NUSAP1: variants seen among roughly 807,000 people sequenced by gnomAD.
NUSAP1 encodes nucleolar and spindle associated protein 1, also known as nucleolar and spindle-associated protein 1.
Under a neutral mutation model 52.8 loss-of-function variants are expected in NUSAP1, and 32 were observed. The observed-to-expected ratio is 0.61, with a 90% CI of 0.46 to 0.81. The LOEUF is 0.81. Ranked by LOEUF, NUSAP1 falls within the 40% of genes least tolerant of loss-of-function variation. NUSAP1 has a pLI of 0.00. For synonymous variants in NUSAP1, 195 were observed against 183.1 expected (o/e 1.06, Z -0.52); for missense variants, 499 against 522.3 (o/e 0.96, Z 0.43).
At chr15:41,367,815 G>A (rs2049482755) in intron 7 of NUSAP1, among the ~76,000 whole-genome samples, 1 of 152,172 alleles carries the variant, frequency 6.6e-6, no homozygotes, top group Non-Finnish European at 1.5e-5. Flanking sequence ...TTCTGGTAGA[G>A]GAGACAGGGC....
intron 2 of NUSAP1, among the ~76,000 whole-genome samples, chr15:41,348,661 C>T (rs1042249351): frequency 4.6e-5 from 7 of 151,958 alleles, no homozygotes; most frequent in African/African-American, 1.7e-4. Context: ...GTTTTTGAGA[C>T]GGAGTTTCGT....
rs557950070 is a variant in NUSAP1, at chr15:41,371,511, C to T, written c.849-16C>T. 6.3e-7 allele frequency: 1 copy of T among 1,585,898 alleles called. No individual in the cohort carries two copies. Among genetic ancestry groups the T allele is most frequent in the East Asian group, 2.2e-5 (1 of 44,592 alleles). On this transcript the variant is annotated splice_polypyrimidine_tract_variant and intron_variant, in intron 7 of 10. Transcript: ENST00000559596. ...TGCCACAGTACTCATGTCTTGTACT[C>T]TGCTGTCCTATTTAGGTTTTCAGCT...
At chr15:41,376,915 A>G (rs982907765) in intron 9 of NUSAP1, among the ~76,000 whole-genome samples, 1 of 151,942 alleles carries the variant, frequency 6.6e-6, no homozygotes, top group African/African-American at 2.4e-5. Context: ...TCTCTACTAA[A>G]AAATACAAAA....
In NUSAP1 at chr15:41,341,585, G is replaced by A. The variant is rs189134289; in HGVS notation, c.94-801G>A. On this transcript the variant is annotated intron_variant, in intron 1 of 10. Coordinates refer to ENST00000559596, the MANE Select transcript of NUSAP1 (RefSeq NM_016359.5). ...ACCAGCTGTCCAAGCCAGAAACGTT[G>A]GCATAACAAAGTTTCCCTCTTCCTC... 2.4e-4 allele frequency among the ~76,000 whole-genome samples: 36 copies of A among 152,164 alleles called. No individual in the cohort carries two copies. The East Asian group carries it at 6.9e-3, about 29-fold the overall frequency.
intron 6 of NUSAP1, among the ~76,000 whole-genome samples, chr15:41,358,765 G>C (rs1343530630): frequency 6.6e-6 from 1 of 152,142 alleles, no homozygotes; most frequent in African/African-American, 2.4e-5. Context: ...TCCTGACTAT[G>C]AGAAACTATT....
At chr15:41,372,438 G>A (rs1000967099) in intron 8 of NUSAP1, among the ~76,000 whole-genome samples, 4 of 152,110 alleles carry the variant, frequency 2.6e-5, no homozygotes, top group East Asian at 1.9e-4. Context: ...TACTATTCAC[G>A]AACATGTGGG....
intron 3 of NUSAP1, 122 bp downstream of exon 3, chr15:41,349,363 AG>A: frequency 9.9e-7 from 1 of 1,007,662 alleles, no homozygotes. Flanking sequence ...GTGTGCTGTA[AG>A]CTCCATGAAA....
At chr15:41,334,249 G>C (rs1307098137) in intron 1 of NUSAP1, among the ~76,000 whole-genome samples, 1 of 152,168 alleles carries the variant, frequency 6.6e-6, no homozygotes, top group Non-Finnish European at 1.5e-5. Context: ...CTCCTGAGTA[G>C]CTGGGATTAC....
rs190837295 is a variant in NUSAP1, at chr15:41,366,548, C to T, written c.848+959C>T. 6.6e-4 allele frequency among the ~76,000 whole-genome samples: 101 copies of T among 152,274 alleles called. 1 individual carries two copies. The highest frequency in any genetic ancestry group is 2.3e-3 in the African/African-American group (95 of 41,558). ...CTACCTGCCTTGGCCTCCCAAAGTG[C>T]TGGGATTACAGGCATGAGCCACCGC... On this transcript the variant is annotated intron_variant, in intron 7 of 10. Coordinates refer to ENST00000559596, the MANE Select transcript of NUSAP1 (RefSeq NM_016359.5).
rs1459896837 is a variant in NUSAP1, at chr15:41,380,297, C to A, written c.*111C>A. 8.7e-6 allele frequency: 6 copies of A among 690,592 alleles called. No homozygotes were observed. The highest frequency in any genetic ancestry group is 1.5e-5 in the Non-Finnish European group (6 of 401,258). The allele number at this position is 690,592 out of a possible 1,614,324, so 42.8% of individuals were successfully genotyped here. ...TAGTCACGAGATCTTTTTCTGCTAACTGTTCATAGTCTGTGTAGTGTCCAT... is the reference window on the plus strand; with the variant it reads ...TAGTCACGAGATCTTTTTCTGCTAAATGTTCATAGTCTGTGTAGTGTCCAT... On this transcript the variant is annotated 3_prime_UTR_variant, in exon 11 of 11. Coordinates refer to ENST00000559596, the MANE Select transcript of NUSAP1 (RefSeq NM_016359.5).
intron 4 of NUSAP1, among the ~76,000 whole-genome samples, chr15:41,354,443 T>G (rs1172008718): frequency 6.6e-6 from 1 of 152,052 alleles, no homozygotes; most frequent in Non-Finnish European, 1.5e-5. Flanking sequence ...AGGCAGAGGT[T>G]GCAGTGAGCC....
rs921666985 is a variant in NUSAP1, at chr15:41,352,500, A to G, written c.448+1371A>G. 7.2e-5 allele frequency among the ~76,000 whole-genome samples: 11 copies of G among 152,148 alleles called. No individual in the cohort carries two copies. The East Asian group carries it at 1.9e-3, about 27-fold the overall frequency. ...CTTTGAGTGTCATACTGAATCTAGAAAATTACAGGATTCCTTGGGTCTGAG... is the reference window on the plus strand; with the variant it reads ...CTTTGAGTGTCATACTGAATCTAGAGAATTACAGGATTCCTTGGGTCTGAG... On this transcript the variant is annotated intron_variant, in intron 4 of 10. Transcript: ENST00000559596.
rs565428906 is a variant in NUSAP1 at position 41,364,460 on chromosome 15, C to T, written c.661-942C>T. Reference sequence around the variant, plus strand: ...ATTTGGGAGGCTAAGGCAGGAGAATCGCTTGAACCTGGGAGGCAGAAGTTG... The same window carrying T: ...ATTTGGGAGGCTAAGGCAGGAGAATTGCTTGAACCTGGGAGGCAGAAGTTG... On this transcript the variant is annotated intron_variant, in intron 6 of 10. Coordinates refer to ENST00000559596, the MANE Select transcript of NUSAP1 (RefSeq NM_016359.5). Among the ~76,000 whole-genome samples, 3 of 152,128 alleles carry T rather than the reference C, an allele frequency of 2.0e-5. No individual in the cohort carries two copies. The East Asian group carries it at 5.8e-4, about 29-fold the overall frequency.
At chr15:41,363,160 G>A (rs1292256067) in intron 6 of NUSAP1, among the ~76,000 whole-genome samples, 1 of 151,684 alleles carries the variant, frequency 6.6e-6, no homozygotes, top group Non-Finnish European at 1.5e-5. Context: ...GGTGGCAGAT[G>A]CCTGTAATCC....
chr15:41,338,866 G>A (rs72739630), intron 1 of NUSAP1, among the ~76,000 whole-genome samples: 26,881 of 151,762 alleles, frequency 0.18, 3,071 homozygotes, highest in Non-Finnish European at 0.25. Flanking sequence ...TCGGGAGGAT[G>A]AGGCACGAAA....
chr15:41,336,648 G>GTGT (rs1555426223), intron 1 of NUSAP1, among the ~76,000 whole-genome samples: 2 of 91,372 alleles, frequency 2.2e-5, no homozygotes, highest in African/African-American at 8.0e-5. Flanking sequence ...CCTCCTTTTG[G>GTGT]TTTTTTTTTT....
intron 1 of NUSAP1, among the ~76,000 whole-genome samples, chr15:41,334,128 T>TC (rs1170773663): frequency 6.6e-6 from 1 of 152,076 alleles, no homozygotes; most frequent in Non-Finnish European, 1.5e-5. Context: ...GTTTGTTTGT[T>TC]TTTTCTTTGA....
intron 4 of NUSAP1, among the ~76,000 whole-genome samples, chr15:41,353,816 C>T (rs1195960368): frequency 6.6e-6 from 1 of 152,110 alleles, no homozygotes; most frequent in African/African-American, 2.4e-5. Context: ...GTCCTATTCT[C>T]AACGTCCTCC....
chr15:41,363,611 G>T (rs2049273998), intron 6 of NUSAP1, among the ~76,000 whole-genome samples: 1 of 151,896 alleles, frequency 6.6e-6, no homozygotes, highest in African/African-American at 2.4e-5. Context: ...AGGCTCAAGC[G>T]GTCCCCCCTC....
Sources: gnomAD v4.1 joint callset for allele counts (sites outside exome capture counted in the v4.1 genomes callset) on GRCh38, gnomAD v4.1.1 for gene constraint, MANE v1.5 for transcripts, NCBI Gene and HGNC (gene_info 2026-07-23, HGNC 2026-07-21) for gene names.